Variants in PRKDC observed in about 807,000 individuals in gnomAD.
PRKDC encodes the protein protein kinase, DNA-activated, catalytic subunit.
Under a neutral mutation model 486.9 loss-of-function variants are expected in PRKDC, and 82 were observed. The ratio of observed to expected loss-of-function variants is 0.17; its 90% CI spans 0.14 to 0.20. The LOEUF (loss-of-function observed/expected upper bound fraction) is 0.20. Among genes scored for constraint, PRKDC ranks in the 10% least tolerant of loss-of-function variants. The pLI, the probability that PRKDC is intolerant of heterozygous loss-of-function variation, is 1.00. For missense variants in PRKDC, 4,504 were observed against 5,038.2 expected (o/e 0.89, Z 3.21); for synonymous variants, 1,895 against 1,837.0 (o/e 1.03, Z -0.81).
chr8:47,845,175 C>T (rs915282601), intron 54 of PRKDC, among the ~76,000 whole-genome samples: 29 of 151,980 alleles, frequency 1.9e-4, no homozygotes, highest in African/African-American at 4.1e-4. Flanking sequence ...GAGCCGAGAT[C>T]GCTACCACTG....
At chr8:47,797,390 A>G (rs183631439) in intron 73 of PRKDC, among the ~76,000 whole-genome samples, 7 of 152,330 alleles carry the variant, frequency 4.6e-5, no homozygotes, top group Admixed American at 3.9e-4. Context: ...CCTGTTTAAT[A>G]CCTACTGAGA....
At chr8:47,843,871 T>C (rs1353808924) in intron 54 of PRKDC, among the ~76,000 whole-genome samples, 2 of 152,254 alleles carry the variant, frequency 1.3e-5, no homozygotes, top group African/African-American at 4.8e-5. Flanking sequence ...CTATTAGACC[T>C]GTCTTGTAAG....
At position 47,957,142 on chromosome 8, in the gene PRKDC, T is replaced by C. The variant is rs376087841; in HGVS notation, c.324+29A>G. Reference sequence around the variant, plus strand: ...AGTTAAAACAGATGTTGATATATAATGTAATAAGGTATGTTTTTTAATTCT... The same window carrying C: ...AGTTAAAACAGATGTTGATATATAACGTAATAAGGTATGTTTTTTAATTCT... On this transcript the variant is annotated intron_variant, in intron 3 of 85. Coordinates refer to ENST00000314191, the MANE Select transcript of PRKDC (RefSeq NM_006904.7). 39 of 1,389,032 alleles carry C rather than the reference T, an allele frequency of 2.8e-5. No individual in the cohort carries two copies. In the African/African-American group the frequency reaches 3.8e-4, roughly 13 times the overall value. The allele number at this position is 1,389,032 out of a possible 1,614,324, so 86.0% of individuals were successfully genotyped here. A position where few individuals can be genotyped will look rare whatever the true frequency, so the allele number is the denominator to read the frequency against.
intron 68 of PRKDC, among the ~76,000 whole-genome samples, chr8:47,816,481 T>TA (rs1327864930): frequency 1.3e-5 from 2 of 152,152 alleles, no homozygotes; most frequent in Non-Finnish European, 2.9e-5. Context: ...CAAAGGACAT[T>TA]ACTGGGACAA....
intron 40 of PRKDC, among the ~76,000 whole-genome samples, chr8:47,865,162 C>A (rs1469036850): frequency 1.3e-5 from 2 of 151,594 alleles, no homozygotes; most frequent in Non-Finnish European, 1.5e-5. Flanking sequence ...CCGAGGCTGG[C>A]AGATCATGAG....
At position 47,933,989 on chromosome 8, in the gene PRKDC, A is replaced by G. The variant is rs1232498880; in HGVS notation, c.1599T>C (p.His533=). 2 of 1,613,010 alleles carry G rather than the reference A, an allele frequency of 1.2e-6. No individual in the cohort carries two copies. Among genetic ancestry groups the G allele is most frequent in the Admixed American group, 3.3e-5 (2 of 60,012 alleles). The part of the protein sequence containing the change: ...TYKDYVDLFR[H]LLSSDQMMDS... ...CCATCATCTGGTCAGAGCTCAGGAG[A>G]TGTCTGAAGAGATCCACGTAGTCTT... is the stretch of plus-strand genomic sequence containing the variant. The change falls in exon 15 of 86, where the codon CAT becomes CAC. Residue 533 remains histidine (H), a synonymous_variant. Coordinates refer to ENST00000314191, the MANE Select transcript of PRKDC (RefSeq NM_006904.7).
intron 25 of PRKDC, 102 bp from the exon 26 acceptor site, chr8:47,905,078 A>G (rs2089753241): frequency 1.2e-6 from 1 of 805,382 alleles, no homozygotes; most frequent in South Asian, 1.8e-5. Context: ...AAATTAAGTA[A>G]TACTACTACC....
intron 58 of PRKDC, among the ~76,000 whole-genome samples, chr8:47,836,132 C>T (rs2088015527): frequency 6.6e-6 from 1 of 152,198 alleles, no homozygotes; most frequent in African/African-American, 2.4e-5. Context: ...CCTCCCCAGA[C>T]CCTGGCACCT....
chr8:47,947,187 T>C (rs1346728326), intron 7 of PRKDC, among the ~76,000 whole-genome samples: 1 of 152,182 alleles, frequency 6.6e-6, no homozygotes, highest in Non-Finnish European at 1.5e-5. Context: ...AGCTGCTGCC[T>C]GGAATGACTG....
At chr8:47,854,811 G>A (rs2088495322) in intron 50 of PRKDC, among the ~76,000 whole-genome samples, 1 of 152,058 alleles carries the variant, frequency 6.6e-6, no homozygotes, top group Non-Finnish European at 1.5e-5. Context: ...CTCCAGCTTT[G>A]TAACACTGGC....
At chr8:47,942,317 C>T (rs184645889) in intron 10 of PRKDC, among the ~76,000 whole-genome samples, 18 of 152,240 alleles carry the variant, frequency 1.2e-4, no homozygotes, top group African/African-American at 4.3e-4. Context: ...TCAGGGGGAA[C>T]ACAAGTCTGA....
In PRKDC at chr8:47,939,670, C is replaced by T. The variant is rs2090409874; in HGVS notation, c.994G>A (p.Glu332Lys). ...QVSNMVAKNA[E>K]MHKNKLQYFM... ...TACTGCAGTTTATTTTTATGCATTTCTGCATTTTTCGCCACCATATTAGAA... is the reference window on the plus strand; with the variant it reads ...TACTGCAGTTTATTTTTATGCATTTTTGCATTTTTCGCCACCATATTAGAA... The change falls in exon 11 of 86, where the codon GAA becomes AAA. Residue 332 changes from glutamate to lysine, a missense_variant. By Grantham distance (56) the Glu-to-Lys change is moderately conservative (BLOSUM62 1). This residue lies in a region of PRKDC where 1,969 missense variants were observed against 2,068.9 expected (regional missense o/e 0.95). Coordinates refer to ENST00000314191, the MANE Select transcript of PRKDC (RefSeq NM_006904.7). 2.5e-6 allele frequency: 4 copies of T among 1,604,096 alleles called. No individual in the cohort carries two copies. The South Asian group carries it at 3.4e-5, about 14-fold the overall frequency.
At chr8:47,884,313 G>A (rs79948189) in intron 36 of PRKDC, among the ~76,000 whole-genome samples, 1,743 of 152,262 alleles carry the variant, frequency 0.011, 35 homozygotes, top group East Asian at 0.083. Context: ...GCTCACCCCT[G>A]CTCGCATGTC....
chr8:47,801,656 T>C lies in PRKDC; in HGVS notation c.9923-670A>G, dbSNP rs1356718974. ...TTGTACATATATTAATAATCCAGAGTAGATCTTTAAATTGGCACTGTGGCC... is the reference window on the plus strand; with the variant it reads ...TTGTACATATATTAATAATCCAGAGCAGATCTTTAAATTGGCACTGTGGCC... On this transcript the variant is annotated intron_variant, in intron 70 of 85. Coordinates refer to ENST00000314191, the MANE Select transcript of PRKDC (RefSeq NM_006904.7). Among the ~76,000 whole-genome samples the C allele has an allele frequency of 1.1e-4, 16 of 152,138 alleles. 1 individual carries two copies. Among genetic ancestry groups the C allele is most frequent in the Admixed American group, 1.0e-3 (16 of 15,262 alleles).
In PRKDC at chr8:47,956,905, T is replaced by C. The variant is rs973550199; in HGVS notation, c.324+266A>G. Among the ~76,000 whole-genome samples the C allele has an allele frequency of 8.5e-4, 115 of 135,390 alleles. 1 individual carries two copies. The highest frequency in any genetic ancestry group is 6.0e-5 in the Non-Finnish European group (4 of 66,226). 88.8% of individuals were successfully genotyped at this position (135,390 alleles called of 152,430 possible). A position where few individuals can be genotyped will look rare whatever the true frequency, so the allele number is the denominator to read the frequency against. On this transcript the variant is annotated intron_variant, in intron 3 of 85. Transcript: ENST00000314191. ...TAGTTATTAAAAAAAATTATCAAAGTAGTTTCTCTCACAAAGGCCTTAGCT... is the reference window on the plus strand; with the variant it reads ...TAGTTATTAAAAAAAATTATCAAAGCAGTTTCTCTCACAAAGGCCTTAGCT...
At chr8:47,832,964 G>A (rs753154384) in intron 59 of PRKDC, among the ~76,000 whole-genome samples, 16 of 152,256 alleles carry the variant, frequency 1.1e-4, no homozygotes, top group East Asian at 1.9e-4. Context: ...CCTGGCGCCC[G>A]CAGCCCTGCA....
intron 61 of PRKDC, 51 bp from the exon 62 acceptor site, chr8:47,828,398 A>G (rs919765554): frequency 1.1e-5 from 16 of 1,425,358 alleles, no homozygotes; most frequent in Non-Finnish European, 1.3e-5. Context: ...CAAAAATGCT[A>G]TAAATCACCA....
At chr8:47,878,815 C>A (rs373947348) in intron 39 of PRKDC, among the ~76,000 whole-genome samples, 4 of 152,164 alleles carry the variant, frequency 2.6e-5, no homozygotes, top group African/African-American at 9.7e-5. Flanking sequence ...TCAGCCTAGA[C>A]GACAGAGCAA....
intron 35 of PRKDC, among the ~76,000 whole-genome samples, chr8:47,886,512 C>T (rs578176675): frequency 6.6e-6 from 1 of 152,014 alleles, no homozygotes; most frequent in East Asian, 1.9e-4. Flanking sequence ...GGCCTCAGCA[C>T]CCCCGAGTAT....
Sources: gnomAD v4.1 joint callset for allele counts (sites outside exome capture counted in the v4.1 genomes callset) on GRCh38, gnomAD v4.1.1 for gene constraint, gnomAD v4.1.1 regional missense constraint, MANE v1.5 for transcripts, NCBI Gene and HGNC (gene_info 2026-07-23, HGNC 2026-07-21) for gene names.